RAPH1: variants seen among roughly 807,000 people sequenced by gnomAD.
RAPH1 encodes the protein ras-associated and pleckstrin homology domains-containing protein 1.
In RAPH1, 18 loss-of-function variants were observed where a neutral mutation model predicts 88.1. The observed-to-expected ratio is 0.20, with a 90% confidence interval of 0.14 to 0.30. The LOEUF (loss-of-function observed/expected upper bound fraction) is 0.30. Among genes scored for constraint, RAPH1 ranks in the 10% least tolerant of loss-of-function variants. The probability of loss-of-function intolerance (pLI) is 1.00; values close to 1 mark genes in which losing one functional copy is unlikely to be tolerated. For synonymous variants in RAPH1, 587 were observed against 559.0 expected, an observed-to-expected ratio of 1.05 and a Z score of -0.71; for missense variants, 1,448 against 1,543.2, an observed-to-expected ratio of 0.94 and a Z score of 1.03.
intron 12 of RAPH1, chr2:203,445,268 CATT>C: frequency 2.8e-6 from 1 of 360,082 alleles, no homozygotes; most frequent in East Asian, 4.7e-5. Flanking sequence ...ATTCACATAA[CATT>C]ATTGGTATCC....
At chr2:203,506,832 CTATATCTATATATCTATCTATA>C (rs1559494661) in intron 1 of RAPH1, among the ~76,000 whole-genome samples, 8 of 11,686 alleles carry the variant, frequency 6.8e-4, no homozygotes, top group Admixed American at 1.3e-3. Context: ...ATATATATAT[CTATATCTATATATCTATCTATA>C]TCTATATATA....
At chr2:203,465,452 A>G (rs1474156537) in intron 4 of RAPH1, among the ~76,000 whole-genome samples, 1 of 152,252 alleles carries the variant, frequency 6.6e-6, no homozygotes, top group East Asian at 1.9e-4. Flanking sequence ...CATAAAGACG[A>G]TAAAAAGATC....
At chr2:203,513,516 G>A (rs377527370) in intron 1 of RAPH1, among the ~76,000 whole-genome samples, 5 of 95,250 alleles carry the variant, frequency 5.2e-5, no homozygotes, top group East Asian at 3.7e-4. Context: ...ATTATGCCCC[G>A]CCCGAGACTC....
At chr2:203,441,585 A>G in intron 13 of RAPH1, 172 bp from the exon 14 acceptor site, 2 of 1,358,926 alleles carry the variant, frequency 1.5e-6, no homozygotes, top group Non-Finnish European at 1.9e-6. Context: ...GAAGGCTAAA[A>G]TCTGATTGTG....
intron 4 of RAPH1, among the ~76,000 whole-genome samples, chr2:203,471,356 G>C (rs2098532899): frequency 6.6e-6 from 1 of 151,938 alleles, no homozygotes; most frequent in South Asian, 2.1e-4. Flanking sequence ...AAAGTACATG[G>C]CCCCTAGCAC....
intron 4 of RAPH1, among the ~76,000 whole-genome samples, chr2:203,462,308 C>T (rs2098524771): frequency 6.6e-6 from 1 of 152,122 alleles, no homozygotes; most frequent in South Asian, 2.1e-4. Context: ...TCTGAATTTC[C>T]ACTCCCTCCA....
intron 4 of RAPH1, among the ~76,000 whole-genome samples, chr2:203,473,359 A>C (rs2098534741): frequency 6.6e-6 from 1 of 152,118 alleles, no homozygotes; most frequent in Admixed American, 6.5e-5. Context: ...CTTCAGAAAA[A>C]AGGGGCAGGG....
chr2:203,471,576 C>A (rs529028269), intron 4 of RAPH1, among the ~76,000 whole-genome samples: 20 of 152,040 alleles, frequency 1.3e-4, no homozygotes, highest in African/African-American at 4.8e-4. Flanking sequence ...TGTGCCATTG[C>A]ACTCTAGCCT....
At chr2:203,486,834 C>A (rs559794550) in intron 4 of RAPH1, among the ~76,000 whole-genome samples, 1 of 152,224 alleles carries the variant, frequency 6.6e-6, no homozygotes, top group Non-Finnish European at 1.5e-5. Context: ...TTTGTTAAAC[C>A]ACCTTTCTAT....
chr2:203,516,663 C>G (rs1336178926), intron 1 of RAPH1, among the ~76,000 whole-genome samples: 2 of 152,018 alleles, frequency 1.3e-5, no homozygotes, highest in Non-Finnish European at 2.9e-5. Context: ...ACCTGGGAAG[C>G]AGAGGTTTCA....
intron 1 of RAPH1, among the ~76,000 whole-genome samples, chr2:203,526,896 G>C (rs984550549): frequency 2.0e-5 from 3 of 151,064 alleles, no homozygotes; most frequent in African/African-American, 7.3e-5. Context: ...CAATTCTCCT[G>C]CCTCAGCCTC....
chr2:203,520,657 C>T (rs1188126578), intron 1 of RAPH1, among the ~76,000 whole-genome samples: 2 of 151,582 alleles, frequency 1.3e-5, no homozygotes, highest in Non-Finnish European at 2.9e-5. Flanking sequence ...CTACAGAACT[C>T]CTTATTTCTA....
Position 203,437,039 on chromosome 2 carries a change from C to A in RAPH1, c.*2398G>T, listed in dbSNP as rs935406914. 2 of 152,196 alleles carry A rather than the reference C, an allele frequency of 1.3e-5. No homozygotes were observed. Among genetic ancestry groups the A allele is most frequent in the African/African-American group, 4.8e-5 (2 of 41,434 alleles). 9.4% of individuals were successfully genotyped at this position (152,196 alleles called of 1,614,324 possible). ...CTGGGGTTAAAATGAGTCTCCTCCT[C>A]TAGCCTTACTCTCTTCCTGGCATCA... is the stretch of plus-strand genomic sequence containing the variant. On this transcript the variant is annotated 3_prime_UTR_variant, in exon 14 of 14. Coordinates refer to ENST00000319170, the MANE Select transcript of RAPH1 (RefSeq NM_213589.3).
chr2:203,475,235 G>A (rs1012632914), intron 4 of RAPH1, among the ~76,000 whole-genome samples: 4 of 152,018 alleles, frequency 2.6e-5, no homozygotes, highest in African/African-American at 7.2e-5. Flanking sequence ...GTGAAACCCC[G>A]TCTCTATTAA....
At chr2:203,483,697 C>G (rs543040817) in intron 4 of RAPH1, among the ~76,000 whole-genome samples, 1 of 152,268 alleles carries the variant, frequency 6.6e-6, no homozygotes, top group Admixed American at 6.5e-5. Context: ...TGGGGAAGAT[C>G]CATCCTCATT....
chr2:203,456,951 C>G (rs2098520065), intron 8 of RAPH1, among the ~76,000 whole-genome samples: 1 of 152,038 alleles, frequency 6.6e-6, no homozygotes, highest in Admixed American at 6.6e-5. Flanking sequence ...CCTTCATTGA[C>G]CAGCCACCTC....
intron 4 of RAPH1, chr2:203,470,318 T>C (rs1461156830): frequency 6.3e-7 from 1 of 1,598,442 alleles, no homozygotes; most frequent in Non-Finnish European, 8.5e-7. Context: ...GGAGTGCTTG[T>C]TCAGAAAAGA....
intron 2 of RAPH1, among the ~76,000 whole-genome samples, chr2:203,491,771 G>C (rs1688278326): frequency 6.6e-6 from 1 of 152,198 alleles, no homozygotes. Context: ...ATCTCCCTAA[G>C]TGTTGAGATT....
At position 203,439,910 on chromosome 2, in the gene RAPH1, A is replaced by G; in HGVS notation, c.3280T>C (p.Ser1094Pro). 1.9e-6 allele frequency: 3 copies of G among 1,613,912 alleles called. 1 individual carries two copies. In the South Asian group the frequency reaches 3.3e-5, roughly 18 times the overall value. The stretch of plus-strand genomic sequence containing the variant: ...GCCACTTTTGGAGAGGTGTTTCCCG[A>G]GAAAACTGCTGGAATCTCAATGGGG... The part of the protein sequence containing the change: ...LPPIEIPAVF[S>P]GNTSPKVAVV... The change falls in exon 14 of 14, where the codon TCG becomes CCG. Residue 1094 changes from serine (S) to proline (P), a missense_variant. Physicochemically the swap from Ser to Pro is moderately conservative, Grantham distance 74. Coordinates refer to ENST00000319170, the MANE Select transcript of RAPH1 (RefSeq NM_213589.3).
Sources: allele counts gnomAD v4.1 joint callset (sites outside exome capture counted in the v4.1 genomes callset), GRCh38; gene constraint gnomAD v4.1.1; transcripts MANE v1.5; gene names NCBI Gene and HGNC (gene_info 2026-07-23, HGNC 2026-07-21).